GABRB1: variants seen among roughly 807,000 people sequenced by gnomAD.
GABRB1 encodes the protein gamma-aminobutyric acid type A receptor subunit beta1, also known as gamma-aminobutyric acid receptor subunit beta-1.
Under a neutral mutation model 51.6 loss-of-function variants are expected in GABRB1, and 17 were observed. The observed-to-expected ratio is 0.33, with a 90% CI of 0.23 to 0.49. The LOEUF (loss-of-function observed/expected upper bound fraction) is 0.49, where lower values mean the gene tolerates loss of function less well. GABRB1 is among the 20% of genes least tolerant of loss of function. The pLI, the probability that GABRB1 is intolerant of heterozygous loss-of-function variation, is 0.99. For missense variants in GABRB1, 410 were observed against 600.6 expected, an observed-to-expected ratio of 0.68 and a Z score of 3.32; for synonymous variants, 247 against 218.9, an observed-to-expected ratio of 1.13 and a Z score of -1.14.
At chr4:47,111,786 G>A (rs1160929782) in intron 3 of GABRB1, among the ~76,000 whole-genome samples, 3 of 151,964 alleles carry the variant, frequency 2.0e-5, no homozygotes, top group Non-Finnish European at 4.4e-5. Flanking sequence ...GATTACTTGA[G>A]CCCAGGAGAT....
chr4:47,328,134 C>G (rs1282347016), intron 5 of GABRB1, among the ~76,000 whole-genome samples: 1 of 152,148 alleles, frequency 6.6e-6, no homozygotes, highest in South Asian at 2.1e-4. Context: ...TGTTCATATC[C>G]TTTGCCCACT....
intron 3 of GABRB1, among the ~76,000 whole-genome samples, chr4:47,105,658 T>A (rs1207513187): frequency 1.3e-5 from 2 of 152,118 alleles, no homozygotes; most frequent in Non-Finnish European, 2.9e-5. Flanking sequence ...TCCTCTAGAA[T>A]TTTATGGCTT....
chr4:47,076,568 C>T (rs890032285), intron 3 of GABRB1, among the ~76,000 whole-genome samples: 1 of 152,068 alleles, frequency 6.6e-6, no homozygotes, highest in African/African-American at 2.4e-5. Context: ...GCTTCTTTCT[C>T]TATTGTCTTC....
At chr4:47,384,315 A>AT (rs1469749261) in intron 5 of GABRB1, among the ~76,000 whole-genome samples, 8 of 151,602 alleles carry the variant, frequency 5.3e-5, no homozygotes, top group Non-Finnish European at 1.2e-4. Context: ...CAGGTTGAGG[A>AT]TTTTTTTTAG....
At chr4:47,292,603 G>A (rs1443460439) in intron 4 of GABRB1, among the ~76,000 whole-genome samples, 1 of 152,200 alleles carries the variant, frequency 6.6e-6, no homozygotes, top group African/African-American at 2.4e-5. Flanking sequence ...GAAATTTCCA[G>A]GGACTTCCCA....
rs185276815 is a variant in GABRB1 at position 47,413,986 on chromosome 4, C to G, written c.1080+7060C>G. Among the ~76,000 whole-genome samples, 93 of 152,314 alleles carry G rather than the reference C, an allele frequency of 6.1e-4. 2 individuals are homozygous for G. The highest frequency in any genetic ancestry group is 6.1e-3 in the Admixed American group (93 of 15,292). On this transcript the variant is annotated intron_variant, in intron 8 of 8. Coordinates refer to ENST00000295454, the MANE Select transcript of GABRB1 (RefSeq NM_000812.4). ...GTACAACGAGGCTTTAAGTAAGCTA[C>G]CTCTGGGCCACTTTTATACGCATCT...
chr4:47,243,046 T>C (rs1007371955), intron 4 of GABRB1, among the ~76,000 whole-genome samples: 1 of 152,252 alleles, frequency 6.6e-6, no homozygotes, highest in African/African-American at 2.4e-5. Context: ...TTAATCCATC[T>C]TGAATTAATT....
intron 3 of GABRB1, among the ~76,000 whole-genome samples, chr4:47,069,605 T>C (rs1355483919): frequency 6.6e-6 from 1 of 152,156 alleles, no homozygotes; most frequent in Non-Finnish European, 1.5e-5. Flanking sequence ...CAGCCACACC[T>C]CTCAGTGCTA....
chr4:47,092,540 A>G (rs939184781), intron 3 of GABRB1, among the ~76,000 whole-genome samples: 4 of 151,954 alleles, frequency 2.6e-5, no homozygotes, highest in African/African-American at 9.7e-5. Flanking sequence ...GTATGAATAA[A>G]TAAAGGAAAG....
chr4:47,160,786 C>G (rs1259632154), intron 3 of GABRB1, among the ~76,000 whole-genome samples: 3 of 148,752 alleles, frequency 2.0e-5, no homozygotes, highest in Non-Finnish European at 4.5e-5. Flanking sequence ...ATTTATTTAA[C>G]TAATTATATA....
chr4:46,996,984 T>C (rs539479729), intron 1 of GABRB1, among the ~76,000 whole-genome samples: 1 of 152,330 alleles, frequency 6.6e-6, no homozygotes, highest in East Asian at 1.9e-4. Context: ...GAAATGCTCC[T>C]GTTCCAAGAA....
intron 4 of GABRB1, among the ~76,000 whole-genome samples, chr4:47,319,857 C>T (rs1725012470): frequency 6.6e-6 from 1 of 152,160 alleles, no homozygotes; most frequent in Non-Finnish European, 1.5e-5. Flanking sequence ...ATTCACTCTC[C>T]TTGTTCGTTA....
intron 3 of GABRB1, among the ~76,000 whole-genome samples, chr4:47,137,079 G>A (rs1262774160): frequency 1.3e-5 from 2 of 152,080 alleles, no homozygotes; most frequent in African/African-American, 4.8e-5. Context: ...CCTGAACATT[G>A]ATTTATAAAC....
chr4:47,115,279 C>T (rs1451557026), intron 3 of GABRB1, among the ~76,000 whole-genome samples: 2 of 152,104 alleles, frequency 1.3e-5, no homozygotes, highest in African/African-American at 4.8e-5. Context: ...CATTTGCTCT[C>T]TTTAGCTTCA....
intron 3 of GABRB1, among the ~76,000 whole-genome samples, chr4:47,039,161 A>AT (rs1043886480): frequency 1.3e-5 from 2 of 151,734 alleles, no homozygotes; most frequent in Non-Finnish European, 2.9e-5. Flanking sequence ...TGAAAGATGC[A>AT]TTTTTTATCT....
chr4:47,218,771 C>A (rs1720653742), intron 4 of GABRB1, among the ~76,000 whole-genome samples: 1 of 151,680 alleles, frequency 6.6e-6, no homozygotes, highest in Admixed American at 6.6e-5. Flanking sequence ...GTTAAGTGTG[C>A]TTTTTATTTC....
intron 4 of GABRB1, among the ~76,000 whole-genome samples, chr4:47,299,171 AGACATGGGCAAG>A (rs1171192498): frequency 1.3e-5 from 2 of 152,346 alleles, no homozygotes; most frequent in African/African-American, 2.4e-5. Flanking sequence ...TTCAGGACAT[AGACATGGGCAAG>A]GACTTCATGT....
chr4:47,176,681 A>G (rs980574544), intron 4 of GABRB1, among the ~76,000 whole-genome samples: 6 of 152,174 alleles, frequency 3.9e-5, no homozygotes, highest in Admixed American at 6.5e-5. Context: ...TAAAATGGAG[A>G]TGAGGTCCAA....
intron 1 of GABRB1, among the ~76,000 whole-genome samples, chr4:47,009,276 G>A (rs1346316412): frequency 6.6e-6 from 1 of 150,680 alleles, no homozygotes; most frequent in Non-Finnish European, 1.5e-5. Flanking sequence ...TCTATAAAAA[G>A]TTAAATATAT....
Sources: allele counts gnomAD v4.1 joint callset (sites outside exome capture counted in the v4.1 genomes callset), GRCh38; gene constraint gnomAD v4.1.1; transcripts MANE v1.5; gene names NCBI Gene and HGNC (gene_info 2026-07-23, HGNC 2026-07-21).